Variants in NOVA1 observed in about 807,000 individuals in gnomAD.
NOVA1 encodes NOVA alternative splicing regulator 1, also known as RNA-binding protein Nova-1.
Under a neutral mutation model 38.0 loss-of-function variants are expected in NOVA1, and 7 were observed. The observed-to-expected ratio is 0.18, with a 90% CI of 0.10 to 0.35. The LOEUF (loss-of-function observed/expected upper bound fraction) is 0.35, where lower values mean the gene tolerates loss of function less well. Among genes scored for constraint, NOVA1 ranks in the 10% least tolerant of loss-of-function variants. NOVA1 has a pLI of 1.00. For synonymous variants in NOVA1, 270 were observed against 232.5 expected (o/e 1.16, Z -1.47); for missense variants, 460 against 616.0 (o/e 0.75, Z 2.68).
intron 2 of NOVA1, among the ~76,000 whole-genome samples, chr14:26,551,464 C>T (rs1891154926): frequency 6.6e-6 from 1 of 151,972 alleles, no homozygotes; most frequent in South Asian, 2.1e-4. Context: ...GCCATGTCTT[C>T]TAAAATAGAT....
intron 2 of NOVA1, among the ~76,000 whole-genome samples, chr14:26,569,914 G>A (rs1434093005): frequency 1.3e-5 from 2 of 152,040 alleles, no homozygotes; most frequent in Non-Finnish European, 2.9e-5. Context: ...CTGATTCAAT[G>A]CATTCTTAAA....
intron 2 of NOVA1, among the ~76,000 whole-genome samples, chr14:26,496,797 T>C (rs1886834202): frequency 1.3e-5 from 2 of 152,134 alleles, no homozygotes; most frequent in South Asian, 4.1e-4. Flanking sequence ...AAAGATCAGA[T>C]AGTTGTAGAT....
intron 2 of NOVA1, among the ~76,000 whole-genome samples, chr14:26,507,273 TAAAAAA>T (rs5807367): frequency 3.2e-4 from 48 of 148,774 alleles, no homozygotes; most frequent in African/African-American, 1.1e-3. Context: ...CAACTCATTG[TAAAAAA>T]AAAAAATAAT....
intron 4 of NOVA1, chr14:26,471,971 A>G: frequency 3.0e-6 from 1 of 336,840 alleles, no homozygotes; most frequent in Non-Finnish European, 5.3e-6. Context: ...TACATATATG[A>G]TATCCTTAAC....
intron 2 of NOVA1, among the ~76,000 whole-genome samples, chr14:26,535,571 T>C (rs1188795891): frequency 2.0e-5 from 3 of 152,146 alleles, no homozygotes; most frequent in African/African-American, 7.2e-5. Context: ...CCCTGGCATA[T>C]GTAAAAATTA....
intron 2 of NOVA1, among the ~76,000 whole-genome samples, chr14:26,520,721 C>T (rs1347278864): frequency 2.0e-5 from 3 of 151,992 alleles, no homozygotes; most frequent in Non-Finnish European, 2.9e-5. Context: ...AGTGAGGGGA[C>T]AAATTTGCAA....
intron 2 of NOVA1, among the ~76,000 whole-genome samples, chr14:26,577,606 C>T (rs980990200): frequency 3.9e-5 from 6 of 151,996 alleles, no homozygotes; most frequent in Non-Finnish European, 8.8e-5. Context: ...TCCTTTAAGG[C>T]AAGTATCTTA....
At chr14:26,499,391 A>G (rs1277585765) in intron 2 of NOVA1, among the ~76,000 whole-genome samples, 1 of 152,164 alleles carries the variant, frequency 6.6e-6, no homozygotes, top group Admixed American at 6.5e-5. Flanking sequence ...ACATAAAACA[A>G]TGTGAATTTG....
chr14:26,595,635 A>G lies in NOVA1; in HGVS notation c.137-82T>C, dbSNP rs1894141684. ...CTCTCCACCCTCAAGAGAGAAAAAC[A>G]GCAACTAAAGCACTGGGTATATAAC... On this transcript the variant is annotated intron_variant, in intron 1 of 4. Coordinates refer to ENST00000539517, the MANE Select transcript of NOVA1 (RefSeq NM_002515.3). 4 of 1,206,906 alleles carry G rather than the reference A, an allele frequency of 3.3e-6. No homozygotes were observed. The East Asian group carries it at 9.7e-5, about 29-fold the overall frequency. 74.8% of individuals were successfully genotyped at this position (1,206,906 alleles called of 1,614,324 possible).
At chr14:26,538,180 CCAAA>C (rs143313981) in intron 2 of NOVA1, among the ~76,000 whole-genome samples, 1,776 of 152,170 alleles carry the variant, frequency 0.012, 20 homozygotes, top group Middle Eastern at 0.075. Flanking sequence ...CCAATATCCC[CCAAA>C]CAATCAAGAC....
intron 2 of NOVA1, among the ~76,000 whole-genome samples, chr14:26,497,878 G>T (rs112620746): frequency 2.6e-5 from 4 of 152,050 alleles, no homozygotes; most frequent in Admixed American, 6.6e-5. Flanking sequence ...ACCAGGAATG[G>T]CATCTACTAG....
chr14:26,459,541 G>A (rs1883479778), intron 4 of NOVA1, among the ~76,000 whole-genome samples: 1 of 152,020 alleles, frequency 6.6e-6, no homozygotes, highest in Non-Finnish European at 1.5e-5. Flanking sequence ...ATGCATGACT[G>A]TAAATAGTGA....
chr14:26,482,622 C>T (rs1051486238), intron 2 of NOVA1, among the ~76,000 whole-genome samples: 26 of 152,118 alleles, frequency 1.7e-4, no homozygotes, highest in Non-Finnish European at 3.5e-4. Flanking sequence ...AACACACTAG[C>T]AACGAGAGGT....
intron 2 of NOVA1, among the ~76,000 whole-genome samples, chr14:26,481,305 T>A (rs1442179042): frequency 6.6e-6 from 1 of 152,080 alleles, no homozygotes; most frequent in Non-Finnish European, 1.5e-5. Context: ...AATTTCAAGG[T>A]ACTTTGTAAA....
intron 2 of NOVA1, among the ~76,000 whole-genome samples, chr14:26,545,616 C>A (rs1489609987): frequency 6.6e-6 from 1 of 152,108 alleles, no homozygotes; most frequent in Non-Finnish European, 1.5e-5. Flanking sequence ...CACTGCACAT[C>A]TATTATATGC....
At chr14:26,480,599 A>AGTT (rs964929028) in intron 2 of NOVA1, among the ~76,000 whole-genome samples, 11 of 151,986 alleles carry the variant, frequency 7.2e-5, no homozygotes, top group African/African-American at 2.7e-4. Context: ...AGATGGTACA[A>AGTT]GTTGTTCCAT....
chr14:26,544,772 C>T (rs1890687581), intron 2 of NOVA1, among the ~76,000 whole-genome samples: 1 of 151,924 alleles, frequency 6.6e-6, no homozygotes, highest in Non-Finnish European at 1.5e-5. Context: ...ATGCAAATAA[C>T]AGCACTTAAA....
At chr14:26,449,415 T>TA (rs1370819249) in intron 4 of NOVA1, among the ~76,000 whole-genome samples, 1 of 152,128 alleles carries the variant, frequency 6.6e-6, no homozygotes, top group East Asian at 1.9e-4. Flanking sequence ...TTAATAAAGA[T>TA]AACAGTAGGA....
intron 2 of NOVA1, among the ~76,000 whole-genome samples, chr14:26,556,432 C>A (rs1891484103): frequency 6.6e-6 from 1 of 152,084 alleles, no homozygotes; most frequent in African/African-American, 2.4e-5. Context: ...AGTGTTGGAA[C>A]AACTCGACAT....
Sources: allele counts gnomAD v4.1 joint callset (sites outside exome capture counted in the v4.1 genomes callset), GRCh38; gene constraint gnomAD v4.1.1; transcripts MANE v1.5; gene names NCBI Gene and HGNC (gene_info 2026-07-23, HGNC 2026-07-21).